Variants in TRAIP observed in about 807,000 individuals in gnomAD.
TRAIP encodes the protein TRAF interacting protein.
Under a neutral mutation model 65.0 loss-of-function variants are expected in TRAIP, and 37 were observed. The ratio of observed to expected loss-of-function variants is 0.57; its 90% CI spans 0.44 to 0.75. The LOEUF is 0.75. Ranked by LOEUF, TRAIP falls within the 30% of genes least tolerant of loss-of-function variation. TRAIP has a pLI of 0.00. For synonymous variants in TRAIP, 187 were observed against 219.1 expected, an observed-to-expected ratio of 0.85 and a Z score of 1.29; for missense variants, 481 against 579.4, an observed-to-expected ratio of 0.83 and a Z score of 1.74.
rs1345026298 is a variant in TRAIP, at chr3:49,832,034, G to T, written c.919C>A (p.Arg307=). ...APVEVNLKLR[R]PSFRDDIDLN... The stretch of plus-strand genomic sequence containing the variant: ...TCAATATCATCACGGAAGGATGGCC[G>T]GCGGAGCTTCAGATTCACCTCCACA... Residue 307 remains arginine (R), a synonymous_variant, in exon 11 of 15, where the codon CGG becomes AGG. Coordinates refer to ENST00000331456, the MANE Select transcript of TRAIP (RefSeq NM_005879.3). 6.2e-7 allele frequency: 1 copy of T among 1,601,838 alleles called. No homozygotes were observed.
At position 49,831,911 on chromosome 3, in the gene TRAIP, C is replaced by T. The variant is rs762258808; in HGVS notation, c.1037+5G>A. ...CCATGGACAGTGCCAGCGACTATCA[C>T]TCACTGTGACTTCTCTAGGCAAAGT... On this transcript the variant is annotated splice_donor_5th_base_variant and intron_variant, in intron 11 of 14. Coordinates refer to ENST00000331456, the MANE Select transcript of TRAIP (RefSeq NM_005879.3). 1 of 1,563,758 alleles carries T rather than the reference C, an allele frequency of 6.4e-7. No individual in the cohort carries two copies. Among genetic ancestry groups the T allele is most frequent in the Admixed American group, 1.8e-5 (1 of 55,242 alleles).
chr3:49,854,246 G>A (rs2081954654), intron 1 of TRAIP, among the ~76,000 whole-genome samples: 1 of 152,172 alleles, frequency 6.6e-6, no homozygotes, highest in Admixed American at 6.5e-5. Flanking sequence ...GATCGCTTGA[G>A]TCCAGGAGGT....
In TRAIP at chr3:49,832,002, A is replaced by G; in HGVS notation, c.951T>C (p.Asn317=). The G allele has an allele frequency of 6.2e-7, 1 of 1,608,292 alleles. No individual in the cohort carries two copies. The highest frequency in any genetic ancestry group is 8.5e-7 in the Non-Finnish European group (1 of 1,177,312). ...GGGGAGTATCCACATCAAAGGTAGCATTGAGATCAATATCATCACGGAAGG... is the reference window on the plus strand; with the variant it reads ...GGGGAGTATCCACATCAAAGGTAGCGTTGAGATCAATATCATCACGGAAGG... The part of the protein sequence containing the change: ...RPSFRDDIDL[N]ATFDVDTPPA... The change falls in exon 11 of 15, where the codon AAT becomes AAC. Residue 317 remains asparagine (N), a synonymous_variant. Transcript: ENST00000331456.
In TRAIP at chr3:49,830,078, TGAGA is replaced by T. The variant is rs930630441; in HGVS notation, c.1038-14_1038-11del. 10 of 1,614,052 alleles carry T rather than the reference TGAGA, an allele frequency of 6.2e-6. No homozygotes were observed. Among genetic ancestry groups the T allele is most frequent in the Non-Finnish European group, 8.5e-6 (10 of 1,179,992 alleles). On this transcript the variant is annotated splice_polypyrimidine_tract_variant and intron_variant, in intron 11 of 14. Coordinates refer to ENST00000331456, the MANE Select transcript of TRAIP (RefSeq NM_005879.3). ...ATCCTGAATTGGGGAGCTACAAGAA[TGAGA>T]GAGAAGGCAAGGGGTAGGTAAGCAA...
In TRAIP at chr3:49,828,839, C is replaced by T; in HGVS notation, c.*264G>A. 4.3e-6 allele frequency: 2 copies of T among 460,226 alleles called. No homozygotes were observed. The highest frequency in any genetic ancestry group is 4.2e-5 in the East Asian group (1 of 23,744). The allele number at this position is 460,226 out of a possible 1,614,324, so 28.5% of individuals were successfully genotyped here. On this transcript the variant is annotated 3_prime_UTR_variant, in exon 15 of 15. Transcript: ENST00000331456. ...AGAGTCTGACCACATCTGATCATGG[C>T]TATAAACAGGAGCCTGGCAACAGGA...
Position 49,829,648 on chromosome 3 carries a change from G to GTCA in TRAIP, c.1204_1205insTGA (p.Pro402delinsLeuThr). The stretch of plus-strand genomic sequence containing the variant: ...TTTGCTGCAAGAGGACTCTGACCTG[G>GTCA]GCCTCTTGGGCTGTTTCTGGCCTAG... On this transcript the variant is annotated protein_altering_variant, in exon 13 of 15. Coordinates refer to ENST00000331456, the MANE Select transcript of TRAIP (RefSeq NM_005879.3). The GTCA allele has an allele frequency of 6.2e-7, 1 of 1,614,174 alleles. No homozygotes were observed. The highest frequency in any genetic ancestry group is 1.1e-5 in the South Asian group (1 of 91,082).
chr3:49,843,628 G>T, intron 5 of TRAIP, 173 bp downstream of exon 5: 1 of 801,938 alleles, frequency 1.2e-6, no homozygotes, highest in Non-Finnish European at 2.0e-6. Context: ...CTTATGGGAT[G>T]GATGGGTACA....
intron 11 of TRAIP, 98 bp from the exon 12 acceptor site, chr3:49,830,166 A>ACTG (rs1348243654): frequency 5.2e-6 from 7 of 1,336,524 alleles, no homozygotes; most frequent in Middle Eastern, 2.1e-4. Context: ...ACCATGTGGC[A>ACTG]CTGCTGCTGC....
intron 10 of TRAIP, among the ~76,000 whole-genome samples, chr3:49,836,952 C>CTTTTT (rs397875517): frequency 1.7e-4 from 14 of 83,222 alleles, no homozygotes; most frequent in South Asian, 3.7e-4. Flanking sequence ...CTTGACATGA[C>CTTTTT]TTTTTTTTTT....
At chr3:49,839,664 A>C (rs1296484038) in intron 10 of TRAIP, 108 bp downstream of exon 10, 1 of 1,011,602 alleles carries the variant, frequency 9.9e-7, no homozygotes, top group African/African-American at 1.6e-5. Context: ...GTCTGCAGAC[A>C]TCAGGTCCAC....
Position 49,829,206 on chromosome 3 carries a change from C to T in TRAIP, c.1307G>A (p.Arg436His), listed in dbSNP as rs148292576. The change falls in exon 15 of 15, where the codon CGC (arginine) becomes CAC (histidine). Residue 436 changes from arginine to histidine, a missense_variant. Coordinates refer to ENST00000331456, the MANE Select transcript of TRAIP (RefSeq NM_005879.3). ...GGTCTTGGGCTTAACAGGCAATGGG[C>T]GGATCATGACTGTGTCAGTCTGGAG... is the stretch of plus-strand genomic sequence containing the variant. ...FIQPTDTVMIRPLPVKPKTKV... is the reference protein window; with the variant it reads ...FIQPTDTVMIHPLPVKPKTKV... 1.7e-5 allele frequency: 28 copies of T among 1,614,028 alleles called. No individual in the cohort carries two copies. The highest frequency in any genetic ancestry group is 2.2e-5 in the Non-Finnish European group (26 of 1,180,052).
chr3:49,841,995 C>T, intron 6 of TRAIP, 56 bp from the exon 7 acceptor site: 5 of 1,381,710 alleles, frequency 3.6e-6, no homozygotes, highest in Admixed American at 1.7e-5. Flanking sequence ...TGGGTAGGTA[C>T]CCAGTGCCGC....
rs2081970729 is a variant in TRAIP at position 49,856,467 on chromosome 3, A to C, written c.-14T>G. The C allele has an allele frequency of 6.2e-7, 1 of 1,610,898 alleles. No individual in the cohort carries two copies. Among genetic ancestry groups the C allele is most frequent in the Non-Finnish European group, 8.5e-7 (1 of 1,178,014 alleles). On this transcript the variant is annotated 5_prime_UTR_variant, in exon 1 of 15. Transcript: ENST00000331456. ...ACGGATAGGCATGATGGCTGGACTC[A>C]AGGGGCCCAGGCAGCCAAAGAAACT...
intron 6 of TRAIP, 59 bp downstream of exon 6, chr3:49,842,394 T>G (rs779706035): frequency 3.2e-6 from 5 of 1,541,224 alleles, no homozygotes; most frequent in South Asian, 1.1e-5. Flanking sequence ...TCCTAAGAAC[T>G]GTACCACTTG....
At chr3:49,850,796 G>A (rs1158353945) in intron 1 of TRAIP, among the ~76,000 whole-genome samples, 5 of 149,838 alleles carry the variant, frequency 3.3e-5, no homozygotes, top group Non-Finnish European at 4.5e-5. Context: ...CTGGGGTTAC[G>A]GGTGCACGCC....
chr3:49,848,233 G>A, intron 1 of TRAIP, 33 bp from the exon 2 acceptor site: 1 of 1,611,638 alleles, frequency 6.2e-7, no homozygotes, highest in Non-Finnish European at 8.5e-7. Context: ...AGACTGATGA[G>A]CCCTGGTTTG....
chr3:49,831,031 G>A, intron 11 of TRAIP, among the ~76,000 whole-genome samples: 1 of 152,196 alleles, frequency 6.6e-6, no homozygotes, highest in Non-Finnish European at 1.5e-5. Flanking sequence ...AAGGGCAATG[G>A]GAGGAAGCCA....
At chr3:49,843,226 A>C (rs1165898735) in intron 5 of TRAIP, 1 of 154,022 alleles carries the variant, frequency 6.5e-6, no homozygotes, top group Non-Finnish European at 1.4e-5. Context: ...CCAGAATATC[A>C]ATCGTGGGTT....
Position 49,830,001 on chromosome 3 carries a change from T to C in TRAIP, c.1086+19A>G. ...GTCCTGCCAAAGGTTAGACTGTGCT[T>C]CTTCTAGAAAGCTCTTACCTTCCTG... is the stretch of plus-strand genomic sequence containing the variant. On this transcript the variant is annotated intron_variant, in intron 12 of 14. Coordinates refer to ENST00000331456, the MANE Select transcript of TRAIP (RefSeq NM_005879.3). The C allele has an allele frequency of 6.2e-7, 1 of 1,614,136 alleles. No homozygotes were observed. Among genetic ancestry groups the C allele is most frequent in the South Asian group, 1.1e-5 (1 of 91,090 alleles).
Sources: gnomAD v4.1 joint callset for allele counts (sites outside exome capture counted in the v4.1 genomes callset) on GRCh38, gnomAD v4.1.1 for gene constraint, MANE v1.5 for transcripts, NCBI Gene and HGNC (gene_info 2026-07-23, HGNC 2026-07-21) for gene names.